Variants in FGF10 observed in about 807,000 individuals in gnomAD.
FGF10 encodes the protein fibroblast growth factor 10, also known as FGF-10.
In FGF10, 2 loss-of-function variants were observed where a neutral mutation model predicts 19.8. The ratio of observed to expected loss-of-function variants is 0.10; its 90% CI spans 0.04 to 0.32. FGF10 has a LOEUF of 0.32. FGF10 is among the 10% of genes least tolerant of loss of function. The pLI, the probability that FGF10 is intolerant of heterozygous loss-of-function variation, is 1.00. For synonymous variants in FGF10, 112 were observed against 94.0 expected (o/e 1.19, Z -1.10); for missense variants, 191 against 246.3 (o/e 0.78, Z 1.50).
At chr5:44,307,187 T>C (rs1740099065) in intron 2 of FGF10, among the ~76,000 whole-genome samples, 1 of 152,206 alleles carries the variant, frequency 6.6e-6, no homozygotes, top group Non-Finnish European at 1.5e-5. Flanking sequence ...ATCAGCCTTT[T>C]TATTTCAGAT....
rs115281858 is a variant in FGF10 at position 44,387,242 on chromosome 5, G to T, written c.325+1116C>A. Among the ~76,000 whole-genome samples the T allele has an allele frequency of 8.5e-3, 1,287 of 152,228 alleles. 8 individuals are homozygous for T. The highest frequency in any genetic ancestry group is 0.013 in the Non-Finnish European group (887 of 68,016). On this transcript the variant is annotated intron_variant, in intron 1 of 2. Coordinates refer to ENST00000264664, the MANE Select transcript of FGF10 (RefSeq NM_004465.2). Reference sequence around the variant, plus strand: ...TCAACAGAGTAATCTGGGTTTGCTGGGTTGATTCAAGAAGAGACACAATAT... The same window carrying T: ...TCAACAGAGTAATCTGGGTTTGCTGTGTTGATTCAAGAAGAGACACAATAT...
intron 1 of FGF10, among the ~76,000 whole-genome samples, chr5:44,350,225 A>C (rs1188792883): frequency 2.0e-5 from 3 of 150,752 alleles, no homozygotes; most frequent in African/African-American, 7.3e-5. Flanking sequence ...AAGTAAACTA[A>C]GATATAACTA....
intron 1 of FGF10, among the ~76,000 whole-genome samples, chr5:44,311,597 T>A (rs1055099561): frequency 1.3e-4 from 20 of 152,098 alleles, no homozygotes; most frequent in Admixed American, 1.3e-3. Context: ...TTGTTGTGAA[T>A]ATTAAATGAG....
At position 44,303,164 on chromosome 5, in the gene FGF10, T is replaced by C. The variant is rs1436474012; in HGVS notation, c.*1831A>G. 6.6e-6 allele frequency among the ~76,000 whole-genome samples: 1 copy of C among 152,196 alleles called. No homozygotes were observed. The highest frequency in any genetic ancestry group is 2.4e-5 in the African/African-American group (1 of 41,466). On this transcript the variant is annotated 3_prime_UTR_variant, in exon 3 of 3. Coordinates refer to ENST00000264664, the MANE Select transcript of FGF10 (RefSeq NM_004465.2). The stretch of plus-strand genomic sequence containing the variant: ...AAGCCAAAAGACAGTGCCTCAAATG[T>C]GTTTCTTCTGAAATACAGTTTTTTT...
At position 44,332,192 on chromosome 5, in the gene FGF10, G is replaced by A. The variant is rs185380302; in HGVS notation, c.326-21662C>T. 2.6e-3 allele frequency among the ~76,000 whole-genome samples: 397 copies of A among 152,124 alleles called. 4 individuals are homozygous for A. Among genetic ancestry groups the A allele is most frequent in the African/African-American group, 9.1e-3 (379 of 41,516 alleles). On this transcript the variant is annotated intron_variant, in intron 1 of 2. Transcript: ENST00000264664. ...TTGGTAGAAGTTCCAGCTTTGGATT[G>A]GCAAGTTGGAAGCTGTATGAATTTG...
chr5:44,319,960 A>G (rs1172169307), intron 1 of FGF10, among the ~76,000 whole-genome samples: 1 of 152,282 alleles, frequency 6.6e-6, no homozygotes. Context: ...CAGCCACTCC[A>G]CAGCTACTGC....
At position 44,304,661 on chromosome 5, in the gene FGF10, T is replaced by G. The variant is rs944104104; in HGVS notation, c.*334A>C. 13 of 296,030 alleles carry G rather than the reference T, an allele frequency of 4.4e-5. No individual in the cohort carries two copies. The highest frequency in any genetic ancestry group is 2.8e-4 in the African/African-American group (13 of 45,862). The allele number at this position is 296,030 out of a possible 1,614,324, so 18.3% of individuals were successfully genotyped here. On this transcript the variant is annotated 3_prime_UTR_variant, in exon 3 of 3. Transcript: ENST00000264664. ...TCCCGAAGATCGTTCTTTCAACAGA[T>G]TGTTCTATGTCCTTTAAGTTCTATC... is the stretch of plus-strand genomic sequence containing the variant.
chr5:44,344,314 T>G (rs1034677603), intron 1 of FGF10, among the ~76,000 whole-genome samples: 7 of 150,764 alleles, frequency 4.6e-5, no homozygotes, highest in Non-Finnish European at 8.8e-5. Flanking sequence ...TTCAGGCAGA[T>G]GATAATACCA....
chr5:44,382,954 T>C (rs141835502), intron 1 of FGF10, among the ~76,000 whole-genome samples: 45 of 152,268 alleles, frequency 3.0e-4, no homozygotes, highest in Non-Finnish European at 5.9e-4. Context: ...ACAGAATTAA[T>C]GTTAAGATAG....
chr5:44,321,820 G>A (rs1164421151), intron 1 of FGF10, among the ~76,000 whole-genome samples: 1 of 152,120 alleles, frequency 6.6e-6, no homozygotes, highest in Non-Finnish European at 1.5e-5. Context: ...AGAGTGCAGT[G>A]GCACGATCTC....
chr5:44,314,084 G>C (rs758208853), intron 1 of FGF10, among the ~76,000 whole-genome samples: 9 of 152,134 alleles, frequency 5.9e-5, no homozygotes, highest in Non-Finnish European at 1.3e-4. Context: ...GATGAGACCT[G>C]AACTGAGTCA....
rs1554037820 is a variant in FGF10 at position 44,344,568 on chromosome 5, C to CTCTG, written c.326-34039_326-34038insCAGA. On this transcript the variant is annotated intron_variant, in intron 1 of 2. Coordinates refer to ENST00000264664, the MANE Select transcript of FGF10 (RefSeq NM_004465.2). ...TTAGGGTTTTACTGTTTTGTTTTCT[C>CTCTG]TGTGTGTGTGTGTGTGTGTGTGTGT... 5.9e-4 allele frequency among the ~76,000 whole-genome samples: 75 copies of CTCTG among 126,854 alleles called. 1 individual carries two copies. In the East Asian group the frequency reaches 0.011, roughly 19 times the overall value. 83.2% of individuals were successfully genotyped at this position (126,854 alleles called of 152,430 possible).
In FGF10 at chr5:44,330,890, T is replaced by C. The variant is rs1579910335; in HGVS notation, c.326-20360A>G. Among the ~76,000 whole-genome samples, 3 of 152,310 alleles carry C rather than the reference T, an allele frequency of 2.0e-5. 1 individual carries two copies. The highest frequency in any genetic ancestry group is 2.0e-4 in the Admixed American group (3 of 15,286). On this transcript the variant is annotated intron_variant, in intron 1 of 2. Coordinates refer to ENST00000264664, the MANE Select transcript of FGF10 (RefSeq NM_004465.2). ...TCAGACGTCATTTTTTGTGAGATTA[T>C]TGACTGTTTGCTTAAAATTAAAAAA... is the stretch of plus-strand genomic sequence containing the variant.
chr5:44,305,714 C>T (rs17234625), intron 2 of FGF10, among the ~76,000 whole-genome samples: 1 of 152,074 alleles, frequency 6.6e-6, no homozygotes, highest in Admixed American at 6.6e-5. Context: ...AATAGTTCTG[C>T]ATAACCAAAA....
intron 1 of FGF10, among the ~76,000 whole-genome samples, chr5:44,347,561 C>T (rs1741116251): frequency 6.6e-6 from 1 of 151,716 alleles, no homozygotes; most frequent in Non-Finnish European, 1.5e-5. Context: ...TGTGATGCTT[C>T]GTCCCTGGCA....
intron 1 of FGF10, among the ~76,000 whole-genome samples, chr5:44,336,911 C>A (rs993909213): frequency 6.6e-6 from 1 of 152,060 alleles, no homozygotes; most frequent in Admixed American, 6.6e-5. Flanking sequence ...CGCTTACTAA[C>A]CAATTTGGGG....
intron 1 of FGF10, among the ~76,000 whole-genome samples, chr5:44,344,603 T>TGTGTGC (rs58735673): frequency 1.3e-5 from 2 of 149,256 alleles, no homozygotes; most frequent in Admixed American, 1.3e-4. Flanking sequence ...TGTGTGTGTG[T>TGTGTGC]TAAACCAACT....
At chr5:44,314,874 T>C (rs1029960650) in intron 1 of FGF10, among the ~76,000 whole-genome samples, 1 of 152,098 alleles carries the variant, frequency 6.6e-6, no homozygotes, top group African/African-American at 2.4e-5. Context: ...TATTTTTCCA[T>C]AAACACAAAA....
chr5:44,307,732 A>G (rs1276287021), intron 2 of FGF10, among the ~76,000 whole-genome samples: 1 of 152,242 alleles, frequency 6.6e-6, no homozygotes, highest in Non-Finnish European at 1.5e-5. Context: ...ATTATATTAG[A>G]TATGCACTTA....
Sources: allele counts gnomAD v4.1 joint callset (sites outside exome capture counted in the v4.1 genomes callset), GRCh38; gene constraint gnomAD v4.1.1; transcripts MANE v1.5; gene names NCBI Gene and HGNC (gene_info 2026-07-23, HGNC 2026-07-21).